The following SCP2 variants were observed in gnomAD, a reference collection of about 807,000 sequenced individuals.
SCP2 encodes SCP-2/3-oxoacyl-CoA thiolase.
A neutral mutation model predicts 71.4 loss-of-function variants in SCP2; 48 were observed. The ratio of observed to expected loss-of-function variants is 0.67; its 90% confidence interval spans 0.53 to 0.86. The LOEUF is 0.86. SCP2 is among the 40% of genes least tolerant of loss of function. SCP2 has a pLI of 0.00. For synonymous variants in SCP2, 220 were observed against 218.1 expected (o/e 1.01, Z -0.08); for missense variants, 560 against 655.6 (o/e 0.85, Z 1.59).
intron 11 of SCP2, chr1:52,995,647 G>T: frequency 1.5e-6 from 1 of 659,122 alleles, no homozygotes; most frequent in Admixed American, 1.9e-5. Flanking sequence ...CACCGTGGCT[G>T]CTGTCTTTGT....
At chr1:53,033,771 A>G (rs1037998627) in intron 13 of SCP2, among the ~76,000 whole-genome samples, 2 of 152,180 alleles carry the variant, frequency 1.3e-5, no homozygotes, top group African/African-American at 4.8e-5. Context: ...AAAATTAAAC[A>G]TCACCTTATG....
chr1:52,995,697 A>T, intron 11 of SCP2: 1 of 746,732 alleles, frequency 1.3e-6, no homozygotes, highest in Non-Finnish European at 2.5e-6. Flanking sequence ...GTGCAGAACC[A>T]GAACAGCAGC....
At chr1:52,932,748 T>A (rs1327016515) in intron 1 of SCP2, among the ~76,000 whole-genome samples, 1 of 152,194 alleles carries the variant, frequency 6.6e-6, no homozygotes, top group Non-Finnish European at 1.5e-5. Context: ...TTAGGCAAAT[T>A]AAACTCAGTA....
chr1:52,993,771 C>A (rs1659720290), intron 11 of SCP2: 2 of 1,579,598 alleles, frequency 1.3e-6, no homozygotes, highest in Admixed American at 3.4e-5. Flanking sequence ...CAATAATATT[C>A]CCCTCTCTCC....
chr1:52,953,286 A>G (rs1655484986), intron 4 of SCP2, among the ~76,000 whole-genome samples: 1 of 152,100 alleles, frequency 6.6e-6, no homozygotes. Flanking sequence ...CATTAACATG[A>G]AATTTTATTA....
In SCP2 at chr1:52,980,817, C is replaced by A. The variant is rs527334496; in HGVS notation, c.973+274C>A. On this transcript the variant is annotated intron_variant, in intron 10 of 15. Transcript: ENST00000371514. ...TTTTATCTGACCAAAATAGCTACTC[C>A]ATCTTTCTTATGCTTATTCTTTGCA... Among the ~76,000 whole-genome samples the A allele has an allele frequency of 2.6e-5, 4 of 152,308 alleles. No individual in the cohort carries two copies. The South Asian group carries it at 8.3e-4, about 32-fold the overall frequency.
At position 53,050,635 on chromosome 1, in the gene SCP2, C is replaced by T; in HGVS notation, c.1575C>T (p.Ile525=). ...QSAFFQGKLK[I]TGNMGLAMKL... Reference sequence around the variant, plus strand: ...CCTTCTTTCAAGGCAAATTGAAAATCACTGGCAACATGGGTCTCGCTATGA... The same window carrying T: ...CCTTCTTTCAAGGCAAATTGAAAATTACTGGCAACATGGGTCTCGCTATGA... The change falls in exon 16 of 16, where the codon ATC becomes ATT. Residue 525 remains isoleucine (I), a synonymous_variant. Transcript: ENST00000371514. The T allele has an allele frequency of 6.2e-7, 1 of 1,613,526 alleles. No individual in the cohort carries two copies. The highest frequency in any genetic ancestry group is 8.5e-7 in the Non-Finnish European group (1 of 1,179,546).
At chr1:52,970,546 T>G (rs1347252639) in intron 6 of SCP2, among the ~76,000 whole-genome samples, 1 of 152,186 alleles carries the variant, frequency 6.6e-6, no homozygotes, top group Non-Finnish European at 1.5e-5. Flanking sequence ...TGCTTTTTTT[T>G]TTCCTCTCAG....
chr1:53,021,650 T>C (rs796719391), intron 12 of SCP2, among the ~76,000 whole-genome samples: 3 of 110,662 alleles, frequency 2.7e-5, no homozygotes, highest in Non-Finnish European at 5.2e-5. Flanking sequence ...TCTTTCTTTT[T>C]TTTTTTTTTT....
intron 12 of SCP2, among the ~76,000 whole-genome samples, chr1:53,018,402 A>T (rs1197832330): frequency 1.3e-5 from 2 of 152,214 alleles, no homozygotes; most frequent in African/African-American, 4.8e-5. Context: ...GTAATTGTAG[A>T]AACAATGATA....
rs546135099 is a variant in SCP2 at position 52,972,560 on chromosome 1, C to T, written c.524-2209C>T. On this transcript the variant is annotated intron_variant, in intron 6 of 15. Transcript: ENST00000371514. ...GGATTGCTTGCAAATCTAATAGAGACAATAAAGCATGTGTACTTCCTAAAA... is the reference window on the plus strand; with the variant it reads ...GGATTGCTTGCAAATCTAATAGAGATAATAAAGCATGTGTACTTCCTAAAA... Among the ~76,000 whole-genome samples the T allele has an allele frequency of 3.3e-5, 5 of 152,278 alleles. No homozygotes were observed. The East Asian group carries it at 9.6e-4, about 29-fold the overall frequency.
chr1:53,018,005 C>G (rs994811028), intron 12 of SCP2, among the ~76,000 whole-genome samples: 1 of 152,172 alleles, frequency 6.6e-6, no homozygotes, highest in Non-Finnish European at 1.5e-5. Context: ...CAGGTGCTCA[C>G]TACCACGCCC....
At chr1:53,038,784 G>C in intron 13 of SCP2, 133 bp from the exon 14 acceptor site, 1 of 1,079,158 alleles carries the variant, frequency 9.3e-7, no homozygotes, top group South Asian at 1.4e-5. Context: ...CTGGGTAAAA[G>C]ATCATAAGGG....
rs376326024 is a variant in SCP2, at chr1:52,948,860, C to T, written c.199+780C>T. ...GCCATTAATTACCACCCATGCTGTA[C>T]GTTAGATCCACAGAACTCGTTCATC... On this transcript the variant is annotated intron_variant, in intron 3 of 15. Transcript: ENST00000371514. Among the ~76,000 whole-genome samples the T allele has an allele frequency of 3.3e-5, 5 of 152,106 alleles. No individual in the cohort carries two copies. The East Asian group carries it at 5.8e-4, about 18-fold the overall frequency.
chr1:52,976,637 C>A, intron 7 of SCP2, 46 bp from the exon 8 acceptor site: 1 of 946,698 alleles, frequency 1.1e-6, no homozygotes, highest in Non-Finnish European at 1.7e-6. Flanking sequence ...ACAAAAATTA[C>A]AGTTGCTATC....
At chr1:53,001,558 G>A (rs1305919345) in intron 11 of SCP2, among the ~76,000 whole-genome samples, 3 of 152,138 alleles carry the variant, frequency 2.0e-5, no homozygotes, top group Admixed American at 1.3e-4. Flanking sequence ...TACAAAAGAA[G>A]AAAATAGAGG....
At chr1:53,039,165 C>T in intron 14 of SCP2, 119 bp downstream of exon 14, 1 of 1,220,256 alleles carries the variant, frequency 8.2e-7, no homozygotes, top group South Asian at 1.3e-5. Flanking sequence ...TGTTAAAGAA[C>T]CAGTAAATTC....
At chr1:53,005,060 A>G (rs1660545769) in intron 11 of SCP2, among the ~76,000 whole-genome samples, 1 of 152,202 alleles carries the variant, frequency 6.6e-6, no homozygotes, top group Non-Finnish European at 1.5e-5. Context: ...CTGCAAGGTG[A>G]CAGCGAGGCT....
intron 13 of SCP2, among the ~76,000 whole-genome samples, chr1:53,028,890 C>T (rs1033855386): frequency 6.6e-6 from 1 of 152,078 alleles, no homozygotes; most frequent in African/African-American, 2.4e-5. Context: ...ATTCTTGTTC[C>T]TCTGCCTCCT....
Sources: allele counts gnomAD v4.1 joint callset (sites outside exome capture counted in the v4.1 genomes callset), GRCh38; gene constraint gnomAD v4.1.1; transcripts MANE v1.5; gene names NCBI Gene and HGNC (gene_info 2026-07-23, HGNC 2026-07-21).